CFAP61: variants seen among roughly 807,000 people sequenced by gnomAD.
CFAP61 encodes the protein cilia and flagella associated protein 61, also known as cilia- and flagella-associated protein 61.
In CFAP61, 107 loss-of-function variants were observed where a neutral mutation model predicts 135.6. The observed-to-expected ratio is 0.79, with a 90% CI of 0.67 to 0.93. The LOEUF (loss-of-function observed/expected upper bound fraction) is 0.93. CFAP61 is among the 40% of genes least tolerant of loss of function. The probability of loss-of-function intolerance (pLI) is 0.00; values close to 1 mark genes in which losing one functional copy is unlikely to be tolerated. For missense variants in CFAP61, 1,507 were observed against 1,556.2 expected (o/e 0.97, Z 0.53); for synonymous variants, 575 against 578.5 (o/e 0.99, Z 0.09).
intron 9 of CFAP61, among the ~76,000 whole-genome samples, chr20:20,146,894 T>C (rs932741786): frequency 1.3e-5 from 2 of 152,150 alleles, no homozygotes; most frequent in African/African-American, 4.8e-5. Flanking sequence ...TATGCAGTCT[T>C]TTATCCCTCA....
At chr20:20,340,383 A>T (rs932027532) in intron 25 of CFAP61, among the ~76,000 whole-genome samples, 15 of 152,298 alleles carry the variant, frequency 9.8e-5, no homozygotes, top group African/African-American at 3.6e-4. Context: ...GTGAGTAGGC[A>T]GATCACAGAG....
At chr20:20,105,793 G>A (rs187887545) in intron 8 of CFAP61, among the ~76,000 whole-genome samples, 2 of 107,624 alleles carry the variant, frequency 1.9e-5, no homozygotes, top group Non-Finnish European at 3.8e-5. Flanking sequence ...CACCATGCCC[G>A]GCTAATTTTT....
chr20:20,075,352 C>G (rs1273611834), intron 5 of CFAP61, 96 bp downstream of exon 5: 3 of 1,462,980 alleles, frequency 2.1e-6, no homozygotes, highest in Non-Finnish European at 1.9e-6. Context: ...AGAGTGGTCT[C>G]CAGGTCCTCA....
intron 25 of CFAP61, among the ~76,000 whole-genome samples, chr20:20,306,715 G>A (rs1569275532): frequency 6.6e-6 from 1 of 152,194 alleles, no homozygotes; most frequent in African/African-American, 2.4e-5. Flanking sequence ...CACTCCCACA[G>A]TCCTTACGTT....
intron 8 of CFAP61, among the ~76,000 whole-genome samples, chr20:20,114,383 C>T (rs1255313976): frequency 3.9e-5 from 6 of 152,002 alleles, no homozygotes; most frequent in African/African-American, 9.7e-5. Context: ...TATATTAAGC[C>T]TCCTAATCTC....
At chr20:20,142,075 T>A (rs1208801803) in intron 8 of CFAP61, among the ~76,000 whole-genome samples, 1 of 152,138 alleles carries the variant, frequency 6.6e-6, no homozygotes, top group Non-Finnish European at 1.5e-5. Context: ...TCCAATGATG[T>A]CTTCTCCCAG....
At chr20:20,235,231 A>G (rs1292921744) in intron 18 of CFAP61, among the ~76,000 whole-genome samples, 2 of 152,058 alleles carry the variant, frequency 1.3e-5, no homozygotes, top group African/African-American at 2.4e-5. Flanking sequence ...AACTTCCTTC[A>G]TAGAAACTTA....
At chr20:20,270,379 T>A (rs188654115) in intron 21 of CFAP61, among the ~76,000 whole-genome samples, 1 of 152,314 alleles carries the variant, frequency 6.6e-6, no homozygotes, top group African/African-American at 2.4e-5. Context: ...AGTCAAGCAC[T>A]CAGTTCAAAA....
chr20:20,318,484 G>A (rs1000268), intron 25 of CFAP61, among the ~76,000 whole-genome samples: 96 of 152,172 alleles, frequency 6.3e-4, no homozygotes, highest in African/African-American at 2.1e-3. Flanking sequence ...GGAGACTTTC[G>A]TGTCTCCCAC....
At chr20:20,208,846 A>G (rs568972044) in intron 17 of CFAP61, among the ~76,000 whole-genome samples, 96 of 152,274 alleles carry the variant, frequency 6.3e-4, no homozygotes, top group African/African-American at 2.3e-3. Context: ...CACTGTGTCT[A>G]GGGGACTCAC....
chr20:20,313,081 G>A (rs1348871037), intron 25 of CFAP61, among the ~76,000 whole-genome samples: 1 of 152,186 alleles, frequency 6.6e-6, no homozygotes, highest in Non-Finnish European at 1.5e-5. Context: ...CTATGTGACT[G>A]TATCTGGACA....
At chr20:20,088,183 G>T (rs2046939909) in intron 6 of CFAP61, among the ~76,000 whole-genome samples, 1 of 152,178 alleles carries the variant, frequency 6.6e-6, no homozygotes, top group Non-Finnish European at 1.5e-5. Flanking sequence ...GTTTGGTGGT[G>T]ATGACATCAG....
chr20:20,341,721 A>G (rs1602102673), intron 25 of CFAP61, 110 bp from the exon 26 acceptor site: 2 of 682,494 alleles, frequency 2.9e-6, no homozygotes, highest in East Asian at 2.7e-5. Flanking sequence ...TGAGCAAACG[A>G]TTGCAATGAG....
intron 8 of CFAP61, among the ~76,000 whole-genome samples, chr20:20,132,370 A>G (rs1426682022): frequency 1.3e-5 from 2 of 151,846 alleles, no homozygotes; most frequent in African/African-American, 4.8e-5. Context: ...ACTAGGCTTT[A>G]GTTTAATTGC....
At position 20,360,357 on chromosome 20, in the gene CFAP61, C is replaced by G; in HGVS notation, c.3661C>G (p.Leu1221Val). ...GGTGGAGAGAAGCACTCTTGACTAC[C>G]TGCACTATAACCGCTACCACCTGCC... ...TLVERSTLDY[L>V]HYNRYHLPMY... Residue 1221 changes from leucine (L) to valine (V), a missense_variant, in exon 27 of 27, where the codon CTG becomes GTG. By Grantham distance (32) the Leu-to-Val change is conservative. Coordinates refer to ENST00000245957, the MANE Select transcript of CFAP61 (RefSeq NM_015585.4). 6.2e-7 allele frequency: 1 copy of G among 1,613,898 alleles called. No homozygotes were observed. The highest frequency in any genetic ancestry group is 1.1e-5 in the South Asian group (1 of 91,076).
In CFAP61 at chr20:20,190,789, C is replaced by A. The variant is rs559276501; in HGVS notation, c.1513-553C>A. Among the ~76,000 whole-genome samples the A allele has an allele frequency of 3.9e-5, 6 of 152,172 alleles. No homozygotes were observed. The South Asian group carries it at 1.2e-3, about 32-fold the overall frequency. On this transcript the variant is annotated intron_variant, in intron 14 of 26. Transcript: ENST00000245957. ...AAAAGCCAGTTTCACTAAGGAATAT[C>A]CTTGATGAAGCAGTAAAATTATTAA...
At chr20:20,264,848 T>C (rs922447231) in intron 21 of CFAP61, among the ~76,000 whole-genome samples, 2 of 152,192 alleles carry the variant, frequency 1.3e-5, no homozygotes, top group Non-Finnish European at 2.9e-5. Context: ...GGCATGATTA[T>C]GCCACTGCAC....
At chr20:20,136,835 A>G (rs1286171632) in intron 8 of CFAP61, among the ~76,000 whole-genome samples, 2 of 152,160 alleles carry the variant, frequency 1.3e-5, no homozygotes, top group African/African-American at 4.8e-5. Flanking sequence ...GAAGAGTTAG[A>G]TATTTATTGT....
intron 8 of CFAP61, among the ~76,000 whole-genome samples, chr20:20,116,749 C>G (rs542550216): frequency 1.4e-4 from 22 of 152,104 alleles, no homozygotes; most frequent in African/African-American, 4.8e-4. Flanking sequence ...TCTTTCTCTC[C>G]CCCACCCCTC....
Sources: allele counts gnomAD v4.1 joint callset (sites outside exome capture counted in the v4.1 genomes callset), GRCh38; gene constraint gnomAD v4.1.1; transcripts MANE v1.5; gene names NCBI Gene and HGNC (gene_info 2026-07-23, HGNC 2026-07-21).